SEC24B: variants seen among roughly 807,000 people sequenced by gnomAD.
SEC24B encodes the protein protein transport protein Sec24B.
Under a neutral mutation model 142.8 loss-of-function variants are expected in SEC24B, and 45 were observed. The observed-to-expected ratio is 0.32, with a 90% confidence interval of 0.25 to 0.40. The LOEUF (loss-of-function observed/expected upper bound fraction) is 0.40, where lower values mean the gene tolerates loss of function less well. Ranked by LOEUF, SEC24B falls within the 10% of genes least tolerant of loss-of-function variation. The pLI, the probability that SEC24B is intolerant of heterozygous loss-of-function variation, is 1.00. For synonymous variants in SEC24B, 574 were observed against 568.2 expected (o/e 1.01, Z -0.15); for missense variants, 1,409 against 1,526.8 (o/e 0.92, Z 1.29).
intron 8 of SEC24B, among the ~76,000 whole-genome samples, chr4:109,510,884 T>C (rs915290409): frequency 1.3e-5 from 2 of 152,128 alleles, no homozygotes; most frequent in Admixed American, 1.3e-4. Context: ...AAAATATTGA[T>C]TGACTACCTG....
intron 18 of SEC24B, among the ~76,000 whole-genome samples, chr4:109,528,993 T>A (rs1210039221): frequency 2.0e-5 from 3 of 152,148 alleles, no homozygotes; most frequent in Non-Finnish European, 2.9e-5. Context: ...TGAGACCCTG[T>A]CTCTACTAAA....
At chr4:109,501,930 T>TA (rs1444562285) in intron 6 of SEC24B, among the ~76,000 whole-genome samples, 2 of 152,174 alleles carry the variant, frequency 1.3e-5, no homozygotes, top group African/African-American at 4.8e-5. Flanking sequence ...TCAGGATTAA[T>TA]AAGACAATAA....
intron 3 of SEC24B, among the ~76,000 whole-genome samples, chr4:109,479,689 C>T (rs1176840444): frequency 1.3e-5 from 2 of 152,156 alleles, no homozygotes; most frequent in East Asian, 1.9e-4. Context: ...CCTGCCTGAG[C>T]CTCCCAAAGT....
intron 19 of SEC24B, among the ~76,000 whole-genome samples, chr4:109,531,177 A>G (rs566665217): frequency 1.1e-4 from 16 of 152,174 alleles, no homozygotes; most frequent in South Asian, 1.0e-3. Flanking sequence ...TATTTTCCCT[A>G]TTTTTCTCAT....
intron 1 of SEC24B, among the ~76,000 whole-genome samples, chr4:109,434,621 T>A (rs1444358130): frequency 6.6e-6 from 1 of 152,236 alleles, no homozygotes; most frequent in Non-Finnish European, 1.5e-5. Context: ...CCTGACCCAG[T>A]TCGGCCTCAA....
intron 4 of SEC24B, among the ~76,000 whole-genome samples, chr4:109,484,063 T>A (rs1734098519): frequency 6.6e-6 from 1 of 152,232 alleles, no homozygotes; most frequent in African/African-American, 2.4e-5. Context: ...CTGATAACAC[T>A]GTTCATTGTC....
intron 19 of SEC24B, 96 bp from the exon 20 acceptor site, chr4:109,531,289 G>C: frequency 9.6e-7 from 1 of 1,038,042 alleles, no homozygotes; most frequent in Non-Finnish European, 1.4e-6. Flanking sequence ...TGATTTAAAG[G>C]CCATGCTTTT....
intron 4 of SEC24B, among the ~76,000 whole-genome samples, chr4:109,490,928 C>A (rs1288003339): frequency 2.6e-5 from 4 of 152,014 alleles, no homozygotes; most frequent in Non-Finnish European, 4.4e-5. Flanking sequence ...AATTTAATTA[C>A]CTTAAAATAC....
intron 1 of SEC24B, among the ~76,000 whole-genome samples, chr4:109,459,342 A>G (rs1426924190): frequency 6.6e-6 from 1 of 152,218 alleles, no homozygotes; most frequent in East Asian, 1.9e-4. Context: ...GCTGTTGAGT[A>G]CTTGACATAT....
intron 1 of SEC24B, among the ~76,000 whole-genome samples, chr4:109,456,325 GTTTTTTTTGTTTT>G (rs1316124799): frequency 2.2e-5 from 2 of 92,258 alleles, no homozygotes; most frequent in African/African-American, 4.3e-5. Context: ...ATAAAGACAG[GTTTTTTTTGTTTT>G]TTTTTTTTTT....
chr4:109,498,872 A>C (rs1208202860), intron 6 of SEC24B, among the ~76,000 whole-genome samples: 2 of 147,066 alleles, frequency 1.4e-5, no homozygotes, highest in Non-Finnish European at 3.0e-5. Context: ...TTTTGACAGG[A>C]AAAAAAAACA....
intron 22 of SEC24B, among the ~76,000 whole-genome samples, chr4:109,535,692 C>CA (rs960722572): frequency 1.3e-5 from 2 of 151,702 alleles, no homozygotes; most frequent in Admixed American, 1.3e-4. Flanking sequence ...ACTAAAAATA[C>CA]AAAAAAACAA....
At chr4:109,538,063 TAAAG>T (rs1725753379) in intron 22 of SEC24B, among the ~76,000 whole-genome samples, 1 of 152,208 alleles carries the variant, frequency 6.6e-6, no homozygotes, top group Non-Finnish European at 1.5e-5. Context: ...GCCTTTAAAT[TAAAG>T]AAAACATGAA....
rs541738609 is a variant in SEC24B at position 109,474,969 on chromosome 4, G to C, written c.1060+1783G>C. On this transcript the variant is annotated intron_variant, in intron 3 of 23. Transcript: ENST00000265175. The stretch of plus-strand genomic sequence containing the variant: ...ACATAGATATTCTTCCTTTTTTACA[G>C]ATGAGAAAAGTGAGATTGACAGAGG... Among the ~76,000 whole-genome samples, 22 of 152,190 alleles carry C rather than the reference G, an allele frequency of 1.4e-4. No homozygotes were observed. In the South Asian group the frequency reaches 4.6e-3, roughly 32 times the overall value.
intron 14 of SEC24B, among the ~76,000 whole-genome samples, chr4:109,523,413 C>T (rs1269336036): frequency 4.0e-5 from 6 of 151,646 alleles, no homozygotes; most frequent in Admixed American, 6.6e-5. Flanking sequence ...GAGTTTGCAG[C>T]GAGCTGTGAT....
intron 4 of SEC24B, among the ~76,000 whole-genome samples, chr4:109,483,115 T>C (rs1207225330): frequency 2.0e-5 from 3 of 149,422 alleles, no homozygotes; most frequent in Non-Finnish European, 4.4e-5. Context: ...AGTCTTGCTC[T>C]GTTGCCCAGG....
intron 22 of SEC24B, 26 bp from the exon 23 acceptor site, chr4:109,538,467 T>C (rs1725801621): frequency 6.6e-7 from 1 of 1,510,668 alleles, no homozygotes; most frequent in African/African-American, 1.4e-5. Context: ...GAAAGGAAAG[T>C]TTCCTAATTG....
intron 4 of SEC24B, among the ~76,000 whole-genome samples, chr4:109,489,912 G>A (rs760644961): frequency 7.3e-5 from 11 of 151,716 alleles, no homozygotes; most frequent in Non-Finnish European, 1.2e-4. Context: ...ACAAATAAAA[G>A]GAACACAAAG....
At chr4:109,519,522 G>A (rs1364737962) in intron 11 of SEC24B, among the ~76,000 whole-genome samples, 1 of 152,172 alleles carries the variant, frequency 6.6e-6, no homozygotes, top group Non-Finnish European at 1.5e-5. Context: ...GCTCAACTTT[G>A]TGTATTTTTA....
Sources: allele counts gnomAD v4.1 joint callset (sites outside exome capture counted in the v4.1 genomes callset), GRCh38; gene constraint gnomAD v4.1.1; transcripts MANE v1.5; gene names NCBI Gene and HGNC (gene_info 2026-07-23, HGNC 2026-07-21).